Variants in MAP2K5 observed in about 807,000 individuals in gnomAD.
MAP2K5 encodes the protein dual specificity mitogen-activated protein kinase kinase 5.
MAP2K5 carries 49 observed loss-of-function variants against 83.1 expected under a neutral mutation model. The observed-to-expected ratio is 0.59, with a 90% CI of 0.47 to 0.75. The LOEUF (loss-of-function observed/expected upper bound fraction) is 0.75. MAP2K5 is among the 30% of genes least tolerant of loss of function. The pLI is 0.00. For synonymous variants in MAP2K5, 202 were observed against 191.8 expected (o/e 1.05, Z -0.44); for missense variants, 457 against 557.5 (o/e 0.82, Z 1.82).
intron 3 of MAP2K5, among the ~76,000 whole-genome samples, chr15:67,575,047 G>A (rs1392653485): frequency 6.6e-6 from 1 of 152,136 alleles, no homozygotes; most frequent in Non-Finnish European, 1.5e-5. Flanking sequence ...GGGTCTGATA[G>A]GGGATAGGAG....
At chr15:67,651,970 C>T (rs1423496561) in intron 11 of MAP2K5, among the ~76,000 whole-genome samples, 1 of 152,188 alleles carries the variant, frequency 6.6e-6, no homozygotes, top group African/African-American at 2.4e-5. Flanking sequence ...TACTAGTTTA[C>T]ATTCCCATCA....
At chr15:67,591,626 C>T (rs1010337130) in intron 6 of MAP2K5, among the ~76,000 whole-genome samples, 3 of 151,500 alleles carry the variant, frequency 2.0e-5, no homozygotes, top group Non-Finnish European at 4.4e-5. Context: ...GCACCAGCCT[C>T]CCAAAGTGCT....
intron 8 of MAP2K5, among the ~76,000 whole-genome samples, chr15:67,624,196 A>G (rs772601903): frequency 1.3e-5 from 2 of 151,874 alleles, no homozygotes; most frequent in South Asian, 2.1e-4. Context: ...AATATTAGCC[A>G]GGCGTGCTGG....
chr15:67,739,568 C>T (rs988324873), intron 17 of MAP2K5, among the ~76,000 whole-genome samples: 6 of 143,148 alleles, frequency 4.2e-5, no homozygotes, highest in Admixed American at 2.2e-4. Context: ...GCAACCTCCT[C>T]CTCCCGGGTT....
At chr15:67,626,815 G>A (rs751279770) in intron 8 of MAP2K5, among the ~76,000 whole-genome samples, 3 of 152,052 alleles carry the variant, frequency 2.0e-5, no homozygotes, top group African/African-American at 4.8e-5. Context: ...TGGGAGGATC[G>A]CTTGAGCCCG....
In MAP2K5 at chr15:67,785,793, A is replaced by C. The variant is rs1026623608; in HGVS notation, c.1242+13041A>C. 3.9e-5 allele frequency among the ~76,000 whole-genome samples: 6 copies of C among 152,198 alleles called. No individual in the cohort carries two copies. The highest frequency in any genetic ancestry group is 1.4e-4 in the African/African-American group (6 of 41,450). ...TGGAGAGGCTAAGGATGGTCTTTCA[A>C]AGCTTGCAAATCAGTCTATCGTGTG... On this transcript the variant is annotated intron_variant, in intron 21 of 21. Coordinates refer to ENST00000178640, the MANE Select transcript of MAP2K5 (RefSeq NM_145160.3). The surrounding 1 kb of genome is among the most constrained non-coding windows in gnomAD (Gnocchi z 4.4).
intron 2 of MAP2K5, among the ~76,000 whole-genome samples, chr15:67,553,919 CAAAA>C (rs71142378): frequency 7.5e-5 from 6 of 80,092 alleles, no homozygotes; most frequent in African/African-American, 1.5e-4. Context: ...GACTCCATCT[CAAAA>C]AAAAAAAAAA....
At chr15:67,740,355 C>A (rs2089465779) in intron 17 of MAP2K5, among the ~76,000 whole-genome samples, 2 of 152,168 alleles carry the variant, frequency 1.3e-5, no homozygotes, top group Non-Finnish European at 2.9e-5. Flanking sequence ...ATTGTTTTGG[C>A]CCCTTTCTTT....
chr15:67,651,123 C>G (rs2086943449), intron 11 of MAP2K5, among the ~76,000 whole-genome samples: 1 of 152,144 alleles, frequency 6.6e-6, no homozygotes, highest in South Asian at 2.1e-4. Context: ...GAGGCTGAGG[C>G]AGGAGAATCA....
intron 19 of MAP2K5, among the ~76,000 whole-genome samples, chr15:67,762,344 T>C (rs987364043): frequency 6.6e-6 from 1 of 152,190 alleles, no homozygotes; most frequent in African/African-American, 2.4e-5. Context: ...ATCTAAAAAC[T>C]GCTGTGCACT....
chr15:67,754,352 C>G (rs1396371878), intron 19 of MAP2K5, among the ~76,000 whole-genome samples: 2 of 152,130 alleles, frequency 1.3e-5, no homozygotes, highest in Non-Finnish European at 2.9e-5. Context: ...TGGGCTTCAG[C>G]AGAAGAAAAG....
intron 13 of MAP2K5, among the ~76,000 whole-genome samples, chr15:67,681,093 C>T (rs1350486727): frequency 1.3e-5 from 2 of 152,240 alleles, no homozygotes; most frequent in Non-Finnish European, 2.9e-5. Flanking sequence ...ATTCATTCAA[C>T]ATTTCACTGA....
At position 67,577,944 on chromosome 15, in the gene MAP2K5, G is replaced by A. The variant is rs1439370049; in HGVS notation, c.253-2810G>A. On this transcript the variant is annotated intron_variant, in intron 3 of 21. Coordinates refer to ENST00000178640, the MANE Select transcript of MAP2K5 (RefSeq NM_145160.3). The surrounding 1 kb of genome is among the most constrained non-coding windows in gnomAD (Gnocchi z 4.1). ...GAACCTGGGAGGTGTAGGTTGCAGTGGGCCAAGATTGTGCCACTGTACTCT... is the reference window on the plus strand; with the variant it reads ...GAACCTGGGAGGTGTAGGTTGCAGTAGGCCAAGATTGTGCCACTGTACTCT... 3.3e-5 allele frequency among the ~76,000 whole-genome samples: 5 copies of A among 152,116 alleles called. No individual in the cohort carries two copies. Among genetic ancestry groups the A allele is most frequent in the Admixed American group, 1.3e-4 (2 of 15,280 alleles).
At chr15:67,654,061 A>G (rs1205964791) in intron 11 of MAP2K5, among the ~76,000 whole-genome samples, 1 of 152,116 alleles carries the variant, frequency 6.6e-6, no homozygotes, top group Non-Finnish European at 1.5e-5. Context: ...TTGGTTTATA[A>G]TACTGTTCAG....
At chr15:67,554,419 G>T (rs2140951762) in intron 2 of MAP2K5, among the ~76,000 whole-genome samples, 1 of 152,272 alleles carries the variant, frequency 6.6e-6, no homozygotes, top group East Asian at 1.9e-4. Flanking sequence ...TTATATAAAA[G>T]AAATGGTGTT....
intron 9 of MAP2K5, among the ~76,000 whole-genome samples, chr15:67,633,534 A>C (rs2086523749): frequency 6.6e-6 from 1 of 152,262 alleles, no homozygotes. Context: ...GAGTAAAAGC[A>C]ATTTTAAAGA....
intron 16 of MAP2K5, among the ~76,000 whole-genome samples, chr15:67,727,127 G>C (rs1192366431): frequency 1.3e-5 from 2 of 152,290 alleles, no homozygotes; most frequent in Non-Finnish European, 1.5e-5. Context: ...TTGAACCCAG[G>C]AGGCAGAGGT....
At chr15:67,796,631 G>C (rs1246480330) in intron 21 of MAP2K5, among the ~76,000 whole-genome samples, 1 of 152,146 alleles carries the variant, frequency 6.6e-6, no homozygotes, top group African/African-American at 2.4e-5. Flanking sequence ...TGATTTGAGT[G>C]AGGTCAAATA....
rs561882348 is a variant in MAP2K5 at position 67,673,037 on chromosome 15, C to T, written c.847+8392C>T. ...TTGATCTATATCTCTGTTTTGGTACCAGTACCATGCTGTTTTGTTTACTGT... is the reference window on the plus strand; with the variant it reads ...TTGATCTATATCTCTGTTTTGGTACTAGTACCATGCTGTTTTGTTTACTGT... On this transcript the variant is annotated intron_variant, in intron 13 of 21. Coordinates refer to ENST00000178640, the MANE Select transcript of MAP2K5 (RefSeq NM_145160.3). Among the ~76,000 whole-genome samples, 14 of 152,170 alleles carry T rather than the reference C, an allele frequency of 9.2e-5. No homozygotes were observed. In the South Asian group the frequency reaches 2.9e-3, roughly 32 times the overall value.
Sources: allele counts gnomAD v4.1 joint callset (sites outside exome capture counted in the v4.1 genomes callset), GRCh38; gene constraint gnomAD v4.1.1; non-coding constraint Gnocchi (gnomAD v3.1); transcripts MANE v1.5; gene names NCBI Gene and HGNC (gene_info 2026-07-23, HGNC 2026-07-21).